Variants in DUT observed in about 807,000 individuals in gnomAD.
DUT encodes the protein deoxyuridine triphosphatase.
DUT carries 21 observed loss-of-function variants against 28.8 expected under a neutral mutation model. The observed-to-expected ratio is 0.73, with a 90% CI of 0.52 to 1.05. The LOEUF (loss-of-function observed/expected upper bound fraction) is 1.05. Ranked by LOEUF, DUT falls within the 50% of genes least tolerant of loss-of-function variation. The probability of loss-of-function intolerance (pLI) is 0.00; values close to 1 mark genes in which losing one functional copy is unlikely to be tolerated. For synonymous variants in DUT, 147 were observed against 143.7 expected (o/e 1.02, Z -0.17); for missense variants, 344 against 351.8 (o/e 0.98, Z 0.18).
At chr15:48,332,813 C>G (rs943653498) in intron 2 of DUT, 7 of 466,188 alleles carry the variant, frequency 1.5e-5, no homozygotes, top group Admixed American at 1.4e-4. Flanking sequence ...AAGTTATTTT[C>G]TATACATTCA....
At chr15:48,331,128 C>T (rs890307736), upstream of DUT, 4 of 1,472,318 alleles carry the variant, frequency 2.7e-6, no homozygotes, top group Admixed American at 2.6e-5. Flanking sequence ...GATGCGGTTC[C>T]GGCGCTTAGG....
At chr15:48,341,790 G>C in intron 6 of DUT, 1 of 585,064 alleles carries the variant, frequency 1.7e-6, no homozygotes, top group Non-Finnish European at 3.0e-6. Context: ...TGGATAATAA[G>C]TTATTTAAAC....
chr15:48,342,912 T>A lies in DUT; in HGVS notation c.*834T>A. 6.6e-6 allele frequency: 1 copy of A among 152,236 alleles called. No homozygotes were observed. The highest frequency in any genetic ancestry group is 1.5e-5 in the Non-Finnish European group (1 of 68,038). 9.4% of individuals were successfully genotyped at this position (152,236 alleles called of 1,614,324 possible). A position where few individuals can be genotyped will look rare whatever the true frequency, so the allele number is the denominator to read the frequency against. On this transcript the variant is annotated 3_prime_UTR_variant, in exon 7 of 7. Transcript: ENST00000331200. ...ATACTTCAGCCACCAGGTTTTTCTG[T>A]CTCACATACATAAGCAGCATTTCAT...
Position 48,334,414 on chromosome 15 carries a change from T to C in DUT, c.420-3T>C, listed in dbSNP as rs201667550. 2 of 1,539,634 alleles carry C rather than the reference T, an allele frequency of 1.3e-6. No homozygotes were observed. The highest frequency in any genetic ancestry group is 2.3e-5 in the East Asian group (1 of 43,950). On this transcript the variant is annotated splice_region_variant and splice_polypyrimidine_tract_variant and intron_variant, in intron 2 of 6. Transcript: ENST00000331200. ...CAGTTATTTTCTTTCAATATTTTCT[T>C]AGTGCCTATGATTACACAATACCAC...
intron 3 of DUT, among the ~76,000 whole-genome samples, chr15:48,334,764 T>C (rs1309151818): frequency 6.6e-6 from 1 of 152,214 alleles, no homozygotes; most frequent in East Asian, 1.9e-4. Context: ...TCTCAGAACA[T>C]GGCATTTTAT....
At chr15:48,339,746 T>A (rs2042512577) in intron 4 of DUT, among the ~76,000 whole-genome samples, 1 of 152,170 alleles carries the variant, frequency 6.6e-6, no homozygotes, top group South Asian at 2.1e-4. Flanking sequence ...TTCTGCCCAG[T>A]TTTATACTCA....
chr15:48,331,451 C>T lies in DUT; in HGVS notation c.-65C>T, dbSNP rs898986658. The T allele has an allele frequency of 2.5e-6, 4 of 1,593,580 alleles. No individual in the cohort carries two copies. In the African/African-American group the frequency reaches 5.4e-5, roughly 22 times the overall value. On this transcript the variant is annotated 5_prime_UTR_variant, in exon 1 of 7. Coordinates refer to ENST00000331200, the MANE Select transcript of DUT (RefSeq NM_001025248.2). Reference sequence around the variant, plus strand: ...CATGTTCCCAGGACGGGCGCGTCTTCAGGGTGGAAGCCTGGCGCACGTCCG... The same window carrying T: ...CATGTTCCCAGGACGGGCGCGTCTTTAGGGTGGAAGCCTGGCGCACGTCCG...
At chr15:48,340,991 G>A (rs1044525784) in intron 4 of DUT, 11 of 239,718 alleles carry the variant, frequency 4.6e-5, no homozygotes, top group Admixed American at 1.0e-4. Flanking sequence ...CAAGTGTGCC[G>A]TGGGTAGACA....
Position 48,342,122 on chromosome 15 carries a change from TAAAAA to T in DUT, c.*55_*59del. ...AAAACAAGAAGTCATACCTTTTTCT[TAAAAA>T]AAAAAAAAAAGTTTTTGCTTCAAGT... On this transcript the variant is annotated 3_prime_UTR_variant, in exon 7 of 7. Coordinates refer to ENST00000331200, the MANE Select transcript of DUT (RefSeq NM_001025248.2). The T allele has an allele frequency of 1.8e-6, 2 of 1,109,492 alleles. No homozygotes were observed. The highest frequency in any genetic ancestry group is 4.0e-5 in the South Asian group (2 of 50,200). 68.7% of individuals were successfully genotyped at this position (1,109,492 alleles called of 1,614,324 possible). A position where few individuals can be genotyped will look rare whatever the true frequency, so the allele number is the denominator to read the frequency against.
chr15:48,333,269 A>G (rs2141158396), intron 2 of DUT, among the ~76,000 whole-genome samples: 1 of 152,326 alleles, frequency 6.6e-6, no homozygotes, highest in East Asian at 1.9e-4. Context: ...GATGATAGCA[A>G]CAGAAAAAAA....
chr15:48,336,728 T>G (rs750835790), intron 4 of DUT, among the ~76,000 whole-genome samples: 8 of 152,204 alleles, frequency 5.3e-5, no homozygotes, highest in Non-Finnish European at 1.0e-4. Flanking sequence ...TACTGACCCT[T>G]TATCCCATCA....
chr15:48,339,570 C>T (rs907810233), intron 4 of DUT, among the ~76,000 whole-genome samples: 4 of 151,978 alleles, frequency 2.6e-5, no homozygotes, highest in Admixed American at 2.0e-4. Flanking sequence ...ATATGGAAAA[C>T]AGCTGGTTTC....
chr15:48,331,384 C>T (rs2042405316), upstream of DUT: 1 of 1,484,704 alleles, frequency 6.7e-7, no homozygotes, highest in Non-Finnish European at 9.0e-7. Flanking sequence ...CACCGCCTCT[C>T]CACGCCCCTC....
rs553727345 is a variant in DUT at position 48,341,510 on chromosome 15, T to C, written c.632-5T>C. ...CGTCAGTAATAAACTATTCTTTCTT[T>C]GAAGTCAAAAAAGGTGATCGAATTG... On this transcript the variant is annotated splice_polypyrimidine_tract_variant and splice_region_variant and intron_variant, in intron 5 of 6. Coordinates refer to ENST00000331200, the MANE Select transcript of DUT (RefSeq NM_001025248.2). 6.2e-7 allele frequency: 1 copy of C among 1,612,880 alleles called. No individual in the cohort carries two copies. Among genetic ancestry groups the C allele is most frequent in the South Asian group, 1.1e-5 (1 of 90,956 alleles).
At chr15:48,332,065 G>T in intron 1 of DUT, 2 of 1,206,932 alleles carry the variant, frequency 1.7e-6, no homozygotes, top group Non-Finnish European at 1.1e-6. Flanking sequence ...TTCCGAGAAG[G>T]GCTTCAAACC....
Position 48,336,073 on chromosome 15 carries a change from A to C in DUT, c.539A>C (p.His180Pro). ...CCACGGTCAGGCTTGGCTGCAAAAC[A>C]CTTTATTGATGTAGGAGGTAATATA... ...VAPRSGLAAK[H>P]FIDVGAGVID... The change falls in exon 4 of 7, where the codon CAC becomes CCC. Residue 180 changes from histidine to proline, a missense_variant. Transcript: ENST00000331200. 6.2e-7 allele frequency: 1 copy of C among 1,603,844 alleles called. No individual in the cohort carries two copies. The highest frequency in any genetic ancestry group is 8.5e-7 in the Non-Finnish European group (1 of 1,177,624).
At chr15:48,332,621 G>A in intron 2 of DUT, 1 of 700,620 alleles carries the variant, frequency 1.4e-6, no homozygotes, top group Non-Finnish European at 2.6e-6. Context: ...ACGGTGTCTA[G>A]CAAGGCGTTA....
rs758678340 is a variant in DUT at position 48,336,094 on chromosome 15, A to G, written c.556+4A>G. On this transcript the variant is annotated splice_donor_region_variant and intron_variant, in intron 4 of 6. Coordinates refer to ENST00000331200, the MANE Select transcript of DUT (RefSeq NM_001025248.2). The stretch of plus-strand genomic sequence containing the variant: ...AAACACTTTATTGATGTAGGAGGTA[A>G]TATATTTCCTTTTTTATTCTGTAAA... 85 of 1,591,544 alleles carry G rather than the reference A, an allele frequency of 5.3e-5. No individual in the cohort carries two copies. Among genetic ancestry groups the G allele is most frequent in the Non-Finnish European group, 6.4e-5 (75 of 1,173,870 alleles).
intron 4 of DUT, 44 bp downstream of exon 4, chr15:48,336,134 T>C: frequency 6.7e-7 from 1 of 1,484,102 alleles, no homozygotes; most frequent in Non-Finnish European, 9.1e-7. Context: ...TGCAAGTATT[T>C]ACTTTGTCTT....
Sources: allele counts gnomAD v4.1 joint callset (sites outside exome capture counted in the v4.1 genomes callset), GRCh38; gene constraint gnomAD v4.1.1; transcripts MANE v1.5; gene names NCBI Gene and HGNC (gene_info 2026-07-23, HGNC 2026-07-21).